The following ERCC6L2 variants were observed in gnomAD, a reference collection of about 807,000 sequenced individuals.
The protein encoded by ERCC6L2 is ERCC excision repair 6 like 2, also known as DNA excision repair protein ERCC-6-like 2.
A neutral mutation model predicts 132.0 loss-of-function variants in ERCC6L2; 77 were observed. The ratio of observed to expected loss-of-function variants is 0.58; its 90% CI spans 0.49 to 0.71. The LOEUF (loss-of-function observed/expected upper bound fraction) is 0.71, where lower values mean the gene tolerates loss of function less well. ERCC6L2 is among the 30% of genes least tolerant of loss of function. The pLI is 0.00. For missense variants in ERCC6L2, 1,542 were observed against 1,837.6 expected, an observed-to-expected ratio of 0.84 and a Z score of 2.94; for synonymous variants, 583 against 632.4, an observed-to-expected ratio of 0.92 and a Z score of 1.17.
At chr9:95,887,710 T>G (rs62559054) in intron 2 of ERCC6L2, among the ~76,000 whole-genome samples, 14,582 of 152,222 alleles carry the variant, frequency 0.096, 798 homozygotes, top group Admixed American at 0.14. Context: ...TGCTGATAAT[T>G]AAAGGTTTCT....
chr9:95,907,325 C>T, intron 4 of ERCC6L2, 54 bp downstream of exon 4: 7 of 899,294 alleles, frequency 7.8e-6, no homozygotes, highest in East Asian at 3.3e-5. Flanking sequence ...ACTTACATCC[C>T]TTTATATTAA....
At chr9:95,907,857 C>A (rs12340825) in intron 4 of ERCC6L2, among the ~76,000 whole-genome samples, 2,812 of 133,698 alleles carry the variant, frequency 0.021, 108 homozygotes, top group African/African-American at 0.045. Context: ...ACACACACAC[C>A]CCCACACCCA....
chr9:96,017,023 A>G lies in ERCC6L2; in HGVS notation c.*3820A>G, dbSNP rs576331704. 2.0e-5 allele frequency among the ~76,000 whole-genome samples: 3 copies of G among 152,306 alleles called. No individual in the cohort carries two copies. Among genetic ancestry groups the G allele is most frequent in the East Asian group, 1.9e-4 (1 of 5,186 alleles). On this transcript the variant is annotated 3_prime_UTR_variant, in exon 19 of 19. Transcript: ENST00000653738. ...GATGTCACTGAACCTGTCAGCCCCA[A>G]TGACAGGCACACACCTTCAAAGAGC...
intron 6 of ERCC6L2, chr9:95,918,232 G>A (rs995683904): frequency 2.2e-6 from 1 of 449,886 alleles, no homozygotes; most frequent in Non-Finnish European, 4.4e-6. Context: ...TGAGATTAAG[G>A]TCACCATTGC....
intron 1 of ERCC6L2, among the ~76,000 whole-genome samples, chr9:95,880,145 T>G (rs1214326250): frequency 1.3e-5 from 2 of 152,128 alleles, no homozygotes; most frequent in Non-Finnish European, 2.9e-5. Context: ...ATCTTAGAAT[T>G]CATCTCTTAA....
chr9:95,998,110 A>AT (rs1833533764), intron 17 of ERCC6L2, among the ~76,000 whole-genome samples: 1 of 152,242 alleles, frequency 6.6e-6, no homozygotes, highest in South Asian at 2.1e-4. Flanking sequence ...TTCTGGCCAT[A>AT]TACACCTTTA....
intron 19 of ERCC6L2, among the ~76,000 whole-genome samples, chr9:96,023,746 A>G (rs972831096): frequency 2.6e-5 from 4 of 152,126 alleles, no homozygotes; most frequent in African/African-American, 9.7e-5. Context: ...TCACATAGAG[A>G]CTTAAAGGTT....
In ERCC6L2 at chr9:95,994,121, G is replaced by A. The variant is rs2039048; in HGVS notation, c.3493-10399G>A. 1.2e-3 allele frequency among the ~76,000 whole-genome samples: 180 copies of A among 152,264 alleles called. 5 individuals are homozygous for A. In the East Asian group the frequency reaches 0.031, roughly 26 times the overall value. ...ATTTTCATACTTAAGCAAAAATCCC[G>A]AAATGTTTTGTTGTTTTGACTGCTT... On this transcript the variant is annotated intron_variant, in intron 17 of 18. Transcript: ENST00000653738.
chr9:96,023,588 A>C (rs891472394), intron 19 of ERCC6L2, among the ~76,000 whole-genome samples: 1 of 152,216 alleles, frequency 6.6e-6, no homozygotes, highest in Non-Finnish European at 1.5e-5. Context: ...CACCAAAAAA[A>C]AGTACACTAA....
At chr9:95,994,453 A>G (rs1390316039) in intron 17 of ERCC6L2, among the ~76,000 whole-genome samples, 1 of 152,192 alleles carries the variant, frequency 6.6e-6, no homozygotes, top group Non-Finnish European at 1.5e-5. Flanking sequence ...GCAGCTGTTT[A>G]GCATGCACTG....
chr9:95,982,711 G>GTATA (rs76411025), intron 17 of ERCC6L2, among the ~76,000 whole-genome samples: 13,066 of 151,340 alleles, frequency 0.086, 628 homozygotes, highest in Admixed American at 0.13. Flanking sequence ...TAAAATATGT[G>GTATA]TATATATATA....
chr9:95,876,426 C>G (rs996008078), intron 1 of ERCC6L2: 1 of 275,438 alleles, frequency 3.6e-6, no homozygotes, highest in East Asian at 6.5e-5. Context: ...CCGCGTGTGG[C>G]CCATATTAAG....
chr9:96,008,282 T>A (rs1371327540), intron 18 of ERCC6L2, among the ~76,000 whole-genome samples: 1 of 152,178 alleles, frequency 6.6e-6, no homozygotes, highest in Non-Finnish European at 1.5e-5. Flanking sequence ...TATTGTATGC[T>A]GCTTATAGTC....
intron 17 of ERCC6L2, among the ~76,000 whole-genome samples, chr9:95,988,543 A>G (rs184794697): frequency 1.3e-5 from 2 of 152,360 alleles, no homozygotes; most frequent in African/African-American, 2.4e-5. Flanking sequence ...TTTGTTGCAG[A>G]TGAAATAATT....
At chr9:95,984,503 G>A (rs1833019871) in intron 17 of ERCC6L2, among the ~76,000 whole-genome samples, 2 of 151,816 alleles carry the variant, frequency 1.3e-5, no homozygotes, top group Non-Finnish European at 2.9e-5. Flanking sequence ...CTTCCACAAA[G>A]TCTGCCCTAG....
intron 19 of ERCC6L2, among the ~76,000 whole-genome samples, chr9:96,029,125 A>T (rs929027347): frequency 1.3e-5 from 2 of 152,008 alleles, no homozygotes; most frequent in African/African-American, 4.8e-5. Context: ...TAACATGGTG[A>T]AACCCCGTCT....
chr9:95,982,852 TAAAG>T (rs1416663241), intron 17 of ERCC6L2, among the ~76,000 whole-genome samples: 6 of 152,252 alleles, frequency 3.9e-5, no homozygotes, highest in African/African-American at 1.4e-4. Context: ...ACCTGCTACT[TAAAG>T]GAAGGAGAAT....
At chr9:95,942,079 T>G (rs993596864) in intron 12 of ERCC6L2, among the ~76,000 whole-genome samples, 8 of 152,158 alleles carry the variant, frequency 5.3e-5, no homozygotes, top group African/African-American at 1.9e-4. Context: ...CAGGTACTCT[T>G]TGATTAAAGC....
chr9:95,898,588 G>T (rs1031898840), intron 3 of ERCC6L2, among the ~76,000 whole-genome samples: 1 of 151,886 alleles, frequency 6.6e-6, no homozygotes, highest in Admixed American at 6.6e-5. Context: ...TTACAAAAAA[G>T]ATTTCTAATA....
Sources: allele counts gnomAD v4.1 joint callset (sites outside exome capture counted in the v4.1 genomes callset), GRCh38; gene constraint gnomAD v4.1.1; transcripts MANE v1.5; gene names NCBI Gene and HGNC (gene_info 2026-07-23, HGNC 2026-07-21).